Variants in SAFB observed in about 807,000 individuals in gnomAD.
SAFB encodes the protein scaffold attachment factor B.
Under a neutral mutation model 101.6 loss-of-function variants are expected in SAFB, and 15 were observed. That is an observed-to-expected ratio of 0.15 (90% confidence interval 0.10 to 0.23). The LOEUF (loss-of-function observed/expected upper bound fraction) is 0.23, where lower values mean the gene tolerates loss of function less well. SAFB is among the 10% of genes least tolerant of loss of function. The pLI is 1.00. For missense variants in SAFB, 930 were observed against 1,104.1 expected (o/e 0.84, Z 2.23); for synonymous variants, 449 against 407.5 (o/e 1.10, Z -1.23).
rs748195933 is a variant in SAFB at position 5,667,097 on chromosome 19, G to A, written c.2386G>A (p.Asp796Asn). ...GPERHGRDSRDGWGGYGSDKR... is the reference protein window; with the variant it reads ...GPERHGRDSRNGWGGYGSDKR... ...AGAGCGCCACGGCCGGGACTCCCGC[G>A]ATGGCTGGGGGGGCTATGGCTCTGA... is the stretch of plus-strand genomic sequence containing the variant. Residue 796 changes from aspartate (D) to asparagine (N), a missense_variant, in exon 18 of 21, where the codon GAT becomes AAT. Physicochemically the swap from Asp to Asn is conservative, Grantham distance 23. Coordinates refer to ENST00000588852, the MANE Select transcript of SAFB (RefSeq NM_001201338.2). The surrounding 1 kb of genome is among the most constrained non-coding windows in gnomAD (Gnocchi z 4.0). The A allele has an allele frequency of 2.5e-6, 4 of 1,612,818 alleles. No homozygotes were observed. The highest frequency in any genetic ancestry group is 2.5e-6 in the Non-Finnish European group (3 of 1,179,548).
At chr19:5,666,740 CTT>C (rs756030697) in intron 17 of SAFB, 1 of 461,834 alleles carries the variant, frequency 2.2e-6, no homozygotes. Context: ...GGGAATCTCT[CTT>C]GTAAGCATCA....
intron 9 of SAFB, 128 bp from the exon 10 acceptor site, chr19:5,652,987 G>A: frequency 3.5e-6 from 3 of 862,462 alleles, no homozygotes; most frequent in Non-Finnish European, 5.4e-6. Context: ...AGCATTAGTA[G>A]CATTGTCCTC....
At chr19:5,644,363 T>C (rs7256359) in intron 4 of SAFB, among the ~76,000 whole-genome samples, 105,035 of 152,126 alleles carry the variant, frequency 0.69, 36,610 homozygotes, top group East Asian at 0.89. Flanking sequence ...TCAAAATGAA[T>C]TAAGCACATC....
intron 2 of SAFB, among the ~76,000 whole-genome samples, chr19:5,638,075 T>C (rs1568254990): frequency 6.6e-6 from 1 of 152,228 alleles, no homozygotes; most frequent in Non-Finnish European, 1.5e-5. Flanking sequence ...TTATCATTTG[T>C]ATGAAAAAGC....
At chr19:5,658,884 C>T (rs907943434) in intron 14 of SAFB, among the ~76,000 whole-genome samples, 7 of 141,078 alleles carry the variant, frequency 5.0e-5, no homozygotes, top group Admixed American at 7.2e-5. Flanking sequence ...CGGTGGCTCA[C>T]GCCTGTAATC....
intron 1 of SAFB, among the ~76,000 whole-genome samples, chr19:5,624,534 A>G (rs2053303039): frequency 6.6e-6 from 1 of 150,920 alleles, no homozygotes; most frequent in Non-Finnish European, 1.5e-5. Flanking sequence ...CCACCTGGCT[A>G]CTCTGGGACC....
Position 5,667,269 on chromosome 19 carries a change from T to G in SAFB, c.2454-78T>G. 1 of 1,297,462 alleles carries G rather than the reference T, an allele frequency of 7.7e-7. No individual in the cohort carries two copies. The highest frequency in any genetic ancestry group is 1.0e-6 in the Non-Finnish European group (1 of 954,686). 80.4% of individuals were successfully genotyped at this position (1,297,462 alleles called of 1,614,324 possible). On this transcript the variant is annotated intron_variant, in intron 18 of 20. Coordinates refer to ENST00000588852, the MANE Select transcript of SAFB (RefSeq NM_001201338.2). This position sits in a 1 kb window ranked among gnomAD's most constrained non-coding sequence, Gnocchi z 4.0. The stretch of plus-strand genomic sequence containing the variant: ...GGGTGGGAAACACAGAGGGATTCAC[T>G]CTCCAGAAGCCGCCACAGTTATTAG...
chr19:5,626,452 C>T lies in SAFB; in HGVS notation c.237C>T (p.Ser79=), dbSNP rs372016220. The T allele has an allele frequency of 4.3e-6, 7 of 1,610,306 alleles. No homozygotes were observed. The highest frequency in any genetic ancestry group is 2.2e-5 in the East Asian group (1 of 44,874). Residue 79 remains serine (S), a synonymous_variant, in exon 2 of 21, where the codon TCC becomes TCT. Transcript: ENST00000588852. ...GGNPDEIEIT[S]EGNKKTSKRS... is the part of the protein sequence containing the mutation. ...ATCCTGACGAAATTGAAATTACCTC[C>T]GAGGGAAACAAGAAAACATCAAAGA... is the stretch of plus-strand genomic sequence containing the variant.
chr19:5,668,447 T>C lies in SAFB; in HGVS notation c.*156T>C, dbSNP rs561125532. 8 of 717,078 alleles carry C rather than the reference T, an allele frequency of 1.1e-5. No homozygotes were observed. In the Admixed American group the frequency reaches 1.8e-4, roughly 16 times the overall value. 44.4% of individuals were successfully genotyped at this position (717,078 alleles called of 1,614,324 possible). A position where few individuals can be genotyped will look rare whatever the true frequency, so the allele number is the denominator to read the frequency against. ...TTCGTTTTGGGGTTTTTTTTTTTTG[T>C]AATAAATGTGTTTCCGTTCACATAC... On this transcript the variant is annotated 3_prime_UTR_variant, in exon 21 of 21. Transcript: ENST00000588852.
At chr19:5,650,118 T>TTACC (rs1262902509) in intron 8 of SAFB, 143 bp downstream of exon 8, 6 of 665,204 alleles carry the variant, frequency 9.0e-6, no homozygotes, top group Non-Finnish European at 1.6e-5. Context: ...TTCTCTGCTG[T>TTACC]TACCGCTACA....
rs867493353 is a variant in SAFB, at chr19:5,654,437, C to G, written c.1736C>G (p.Thr579Arg). Residue 579 changes from threonine to arginine, a missense_variant, in exon 13 of 21, where the codon ACG becomes AGG. By Grantham distance (71) the Thr-to-Arg change is moderately conservative. Transcript: ENST00000588852. ...GGGGTGCCTGTGATTAGTGTAAAAA[C>G]GTCCGGGTCCAAAGAGAGAGTGAGT... ...SKGVPVISVK[T>R]SGSKERASKS... 5.6e-6 allele frequency: 9 copies of G among 1,607,610 alleles called. No homozygotes were observed. Among genetic ancestry groups the G allele is most frequent in the Non-Finnish European group, 7.7e-6 (9 of 1,174,098 alleles).
intron 2 of SAFB, among the ~76,000 whole-genome samples, chr19:5,628,804 G>C (rs971013917): frequency 6.6e-6 from 1 of 152,170 alleles, no homozygotes; most frequent in African/African-American, 2.4e-5. Context: ...CTTCTGCCAA[G>C]GCAAAGAGTC....
intron 9 of SAFB, among the ~76,000 whole-genome samples, chr19:5,652,318 C>T (rs550470374): frequency 6.6e-6 from 1 of 152,126 alleles, no homozygotes; most frequent in African/African-American, 2.4e-5. Context: ...CCCTACTAGA[C>T]CCCCTTTCCT....
intron 14 of SAFB, among the ~76,000 whole-genome samples, chr19:5,659,911 G>A (rs2054156902): frequency 6.6e-6 from 1 of 152,190 alleles, no homozygotes; most frequent in Admixed American, 6.5e-5. Flanking sequence ...ATCCCGTCAG[G>A]TTGTGAGCAT....
At chr19:5,652,363 C>T (rs1259061953) in intron 9 of SAFB, among the ~76,000 whole-genome samples, 2 of 152,114 alleles carry the variant, frequency 1.3e-5, no homozygotes, top group Non-Finnish European at 2.9e-5. Context: ...TGGGTGTGCT[C>T]AGTGGGGAAG....
chr19:5,637,861 A>T (rs1315842710), intron 2 of SAFB, among the ~76,000 whole-genome samples: 1 of 152,164 alleles, frequency 6.6e-6, no homozygotes, highest in Admixed American at 6.5e-5. Context: ...CTTGCCTTTG[A>T]GATGTGGTCT....
At chr19:5,632,673 G>A (rs971086671) in intron 2 of SAFB, among the ~76,000 whole-genome samples, 19 of 152,036 alleles carry the variant, frequency 1.2e-4, no homozygotes, top group South Asian at 2.1e-4. Context: ...GGTTCTCCCC[G>A]CCCCATAATA....
intron 14 of SAFB, 100 bp from the exon 15 acceptor site, chr19:5,661,418 C>G: frequency 6.5e-7 from 1 of 1,538,078 alleles, no homozygotes; most frequent in Non-Finnish European, 8.7e-7. Context: ...AGTGGACGCA[C>G]AGCCCTGGAG....
At chr19:5,633,149 A>AT (rs1189560523) in intron 2 of SAFB, among the ~76,000 whole-genome samples, 4 of 152,144 alleles carry the variant, frequency 2.6e-5, no homozygotes, top group Admixed American at 6.5e-5. Flanking sequence ...CCAAATGGTG[A>AT]TTTTTTAATT....
Sources: allele counts gnomAD v4.1 joint callset (sites outside exome capture counted in the v4.1 genomes callset), GRCh38; gene constraint gnomAD v4.1.1; non-coding constraint Gnocchi (gnomAD v3.1); transcripts MANE v1.5; gene names NCBI Gene and HGNC (gene_info 2026-07-23, HGNC 2026-07-21).